Variants in SPATA31H1 observed in about 807,000 individuals in gnomAD.
SPATA31H1 encodes SPATA31 subfamily H member 1.
the SPATA31H1 span, among the ~76,000 whole-genome samples, chr2:27,539,250 C>CTGCGGCCT: frequency 6.7e-6 from 1 of 149,964 alleles, no homozygotes; most frequent in Non-Finnish European, 1.5e-5. Context: ...CCAGAGGACC[C>CTGCGGCCT]TGCGGCCTTC....
chr2:27,582,429 AG>A, the SPATA31H1 span: 1 of 1,614,168 alleles, frequency 6.2e-7, no homozygotes, highest in Non-Finnish European at 8.5e-7. Flanking sequence ...GCCCAGCCAT[AG>A]TTTGTCTAGA....
chr2:27,541,523 G>C, the SPATA31H1 span, among the ~76,000 whole-genome samples: 1 of 151,968 alleles, frequency 6.6e-6, no homozygotes, highest in Non-Finnish European at 1.5e-5. Context: ...CATATAGTAA[G>C]TGCTCCGTAG....
Sources: gnomAD v4.1 joint callset for allele counts (sites outside exome capture counted in the v4.1 genomes callset) on GRCh38, gnomAD v4.1.1 for gene constraint, MANE v1.5 for transcripts, NCBI Gene and HGNC (gene_info 2026-07-23, HGNC 2026-07-21) for gene names.